STRBP: variants seen among roughly 807,000 people sequenced by gnomAD.
STRBP encodes the protein spermatid perinuclear RNA-binding protein.
In STRBP, 13 loss-of-function variants were observed where a neutral mutation model predicts 80.1. The ratio of observed to expected loss-of-function variants is 0.16; its 90% CI spans 0.11 to 0.26. The LOEUF is 0.26. Ranked by LOEUF, STRBP falls within the 10% of genes least tolerant of loss-of-function variation. The probability of loss-of-function intolerance (pLI) is 1.00; values close to 1 mark genes in which losing one functional copy is unlikely to be tolerated. For synonymous variants in STRBP, 284 were observed against 291.2 expected (o/e 0.98, Z 0.25); for missense variants, 485 against 815.2 (o/e 0.59, Z 4.93).
intron 2 of STRBP, 133 bp downstream of exon 2, chr9:123,236,697 C>G (rs2040573725): frequency 6.6e-6 from 1 of 151,742 alleles, no homozygotes. Flanking sequence ...ACTTCACTGA[C>G]TCTGGAGCCA....
rs139392733 is a variant in STRBP at position 123,210,029 on chromosome 9, G to C, written c.-164-25731C>G. 3.6e-3 allele frequency among the ~76,000 whole-genome samples: 552 copies of C among 152,282 alleles called. 5 individuals carry two copies. The highest frequency in any genetic ancestry group is 0.013 in the African/African-American group (536 of 41,578). ...ACAAATGTGAATCTAGCTTTTAAGA[G>C]AGGCTTATTTTCTATTCAGTGGTTG... On this transcript the variant is annotated intron_variant, in intron 2 of 18. Transcript: ENST00000348403.
In STRBP at chr9:123,173,799, G is replaced by A. The variant is rs1427056693; in HGVS notation, c.268C>T (p.Leu90=). 9 of 1,613,344 alleles carry A rather than the reference G, an allele frequency of 5.6e-6. No individual in the cohort carries two copies. The highest frequency in any genetic ancestry group is 1.3e-5 in the African/African-American group (1 of 74,792). ...TTAATCAGCAAGCCTTTTGCAACCA[G>A]GCCAATCCTCATTACACCACACAAT... ...RTLCGVMRIG[L]VAKGLLIKDD... Residue 90 remains leucine (L), a synonymous_variant, in exon 5 of 19, where the codon CTG becomes TTG. Transcript: ENST00000348403.
intron 1 of STRBP, among the ~76,000 whole-genome samples, chr9:123,244,850 CA>C (rs2040767361): frequency 6.6e-6 from 1 of 152,212 alleles, no homozygotes; most frequent in African/African-American, 2.4e-5. Flanking sequence ...AAAGCCCATC[CA>C]CAAATGTTCA....
intron 2 of STRBP, among the ~76,000 whole-genome samples, chr9:123,222,018 A>T (rs2040083360): frequency 6.6e-6 from 1 of 152,168 alleles, no homozygotes; most frequent in Non-Finnish European, 1.5e-5. Flanking sequence ...GGGGTATACA[A>T]AAAGGTGATT....
intron 3 of STRBP, among the ~76,000 whole-genome samples, chr9:123,180,303 A>T (rs993474805): frequency 2.6e-5 from 4 of 152,222 alleles, no homozygotes; most frequent in Non-Finnish European, 5.9e-5. Context: ...ATAATACGAA[A>T]TAAAAAGTTA....
At chr9:123,203,365 A>G (rs1418285591) in intron 2 of STRBP, among the ~76,000 whole-genome samples, 1 of 151,962 alleles carries the variant, frequency 6.6e-6, no homozygotes. Context: ...AAAAAAAAAA[A>G]GAATCTAAAT....
chr9:123,200,209 G>C (rs1233228142), intron 2 of STRBP, among the ~76,000 whole-genome samples: 1 of 151,948 alleles, frequency 6.6e-6, no homozygotes, highest in Non-Finnish European at 1.5e-5. Context: ...ACTCCTACTA[G>C]ACAAGTTTCT....
In STRBP at chr9:123,136,721, G is replaced by A. The variant is rs2036369280; in HGVS notation, c.1498-206C>T. ...AAGCAGTAAACATTGCAGTCATCTGGCCAGCCTTCCTTCGAAGCAGTATTC... is the reference window on the plus strand; with the variant it reads ...AAGCAGTAAACATTGCAGTCATCTGACCAGCCTTCCTTCGAAGCAGTATTC... On this transcript the variant is annotated intron_variant, in intron 14 of 18. Coordinates refer to ENST00000348403, the MANE Select transcript of STRBP (RefSeq NM_018387.5). This position sits in a 1 kb window ranked among gnomAD's most constrained non-coding sequence, Gnocchi z 4.2. 6.6e-6 allele frequency among the ~76,000 whole-genome samples: 1 copy of A among 152,134 alleles called. No individual in the cohort carries two copies. Among genetic ancestry groups the A allele is most frequent in the Non-Finnish European group, 1.5e-5 (1 of 68,044 alleles).
intron 11 of STRBP, among the ~76,000 whole-genome samples, chr9:123,148,193 G>A (rs1388062334): frequency 1.3e-5 from 2 of 152,300 alleles, no homozygotes; most frequent in East Asian, 1.9e-4. Flanking sequence ...AGTGCAGTGG[G>A]ATTAGGTGGT....
intron 5 of STRBP, among the ~76,000 whole-genome samples, chr9:123,173,232 G>A (rs1369327103): frequency 6.6e-6 from 1 of 152,186 alleles, no homozygotes; most frequent in Non-Finnish European, 1.5e-5. Context: ...ACAGAACAAA[G>A]AGGTGGCAAA....
intron 1 of STRBP, among the ~76,000 whole-genome samples, chr9:123,240,309 G>A (rs536896806): frequency 2.6e-3 from 394 of 151,964 alleles, no homozygotes; most frequent in African/African-American, 8.4e-3. Flanking sequence ...ATATTATTAT[G>A]TATAAAAATG....
At chr9:123,158,973 T>C in intron 9 of STRBP, 123 bp downstream of exon 9, 2 of 699,942 alleles carry the variant, frequency 2.9e-6, no homozygotes, top group Non-Finnish European at 2.4e-6. Flanking sequence ...TTGTCAAAAT[T>C]CCAAGCAAAA....
chr9:123,166,857 G>A (rs1008160509), intron 6 of STRBP, among the ~76,000 whole-genome samples: 2 of 152,152 alleles, frequency 1.3e-5, no homozygotes, highest in Non-Finnish European at 2.9e-5. Flanking sequence ...TTCATTAGCA[G>A]GAAACGTAGT....
At chr9:123,173,436 CG>C (rs2038090989) in intron 5 of STRBP, among the ~76,000 whole-genome samples, 1 of 151,992 alleles carries the variant, frequency 6.6e-6, no homozygotes, top group Admixed American at 6.6e-5. Context: ...CAAGATACAA[CG>C]GAAAAGTTTA....
intron 2 of STRBP, among the ~76,000 whole-genome samples, chr9:123,231,147 C>G (rs762203010): frequency 6.6e-6 from 1 of 152,034 alleles, no homozygotes; most frequent in African/African-American, 2.4e-5. Context: ...TCCAGGTTAT[C>G]AGTATTTTTT....
chr9:123,182,939 A>G (rs1294233644), intron 3 of STRBP, among the ~76,000 whole-genome samples: 1 of 151,478 alleles, frequency 6.6e-6, no homozygotes, highest in Non-Finnish European at 1.5e-5. Context: ...CTTTGAGCCC[A>G]AGGAGTTGGA....
intron 13 of STRBP, among the ~76,000 whole-genome samples, chr9:123,142,743 C>CTT (rs572313954): frequency 1.8e-3 from 258 of 147,246 alleles, no homozygotes; most frequent in African/African-American, 5.3e-3. Context: ...TGATAACACA[C>CTT]TTTTTTTTTT....
At chr9:123,206,108 T>C (rs1017240916) in intron 2 of STRBP, among the ~76,000 whole-genome samples, 2 of 152,236 alleles carry the variant, frequency 1.3e-5, no homozygotes, top group African/African-American at 4.8e-5. Context: ...ATTCTGAGCC[T>C]CAATTCCATC....
intron 2 of STRBP, among the ~76,000 whole-genome samples, chr9:123,224,586 G>A (rs536800267): frequency 7.9e-5 from 12 of 152,278 alleles, no homozygotes; most frequent in Non-Finnish European, 1.6e-4. Context: ...TCGATACTAA[G>A]AGGAGAAAGA....
Sources: gnomAD v4.1 joint callset for allele counts (sites outside exome capture counted in the v4.1 genomes callset) on GRCh38, gnomAD v4.1.1 for gene constraint, Gnocchi (gnomAD v3.1) non-coding constraint, MANE v1.5 for transcripts, NCBI Gene and HGNC (gene_info 2026-07-23, HGNC 2026-07-21) for gene names.